Variants in ZFPM2 observed in about 807,000 individuals in gnomAD.
ZFPM2 encodes zinc finger protein ZFPM2.
ZFPM2 carries 20 observed loss-of-function variants against 98.6 expected under a neutral mutation model. That is an observed-to-expected ratio of 0.20 (90% CI 0.14 to 0.29). ZFPM2 has a LOEUF of 0.29. Among genes scored for constraint, ZFPM2 ranks in the 10% least tolerant of loss-of-function variants. ZFPM2 has a pLI of 1.00. For missense variants in ZFPM2, 1,310 were observed against 1,388.6 expected, an observed-to-expected ratio of 0.94 and a Z score of 0.90; for synonymous variants, 518 against 502.7, an observed-to-expected ratio of 1.03 and a Z score of -0.41.
At chr8:105,618,103 G>A (rs1317497375) in intron 4 of ZFPM2, among the ~76,000 whole-genome samples, 1 of 152,050 alleles carries the variant, frequency 6.6e-6, no homozygotes, top group Non-Finnish European at 1.5e-5. Context: ...CATGTAATTA[G>A]CCTATACAAA....
intron 1 of ZFPM2, among the ~76,000 whole-genome samples, chr8:105,357,863 C>G (rs973032812): frequency 6.6e-6 from 1 of 152,182 alleles, no homozygotes; most frequent in African/African-American, 2.4e-5. Flanking sequence ...CTGGGTTCAT[C>G]AGAGCCTTTA....
chr8:105,631,198 G>A (rs957629973), intron 4 of ZFPM2, among the ~76,000 whole-genome samples: 1 of 152,102 alleles, frequency 6.6e-6, no homozygotes, highest in Non-Finnish European at 1.5e-5. Context: ...CCTAAAAAAT[G>A]TTTATTGGCT....
At chr8:105,389,013 CGTGTGTGTGTGTGTGTGTGTGTGT>C (rs142145699) in intron 1 of ZFPM2, among the ~76,000 whole-genome samples, 7 of 134,826 alleles carry the variant, frequency 5.2e-5, no homozygotes, top group East Asian at 4.5e-4. Flanking sequence ...AATTTGATGA[CGTGTGTGTGTGTGTGTGTGTGTGT>C]GTGTGTGTGT....
intron 5 of ZFPM2, among the ~76,000 whole-genome samples, chr8:105,786,041 CAAAAAAAAAAAA>C (rs60740995): frequency 1.0e-4 from 4 of 39,850 alleles, no homozygotes; most frequent in East Asian, 1.0e-3. Context: ...GACTCCGTCT[CAAAAAAAAAAAA>C]AAAAAAAAAA....
chr8:105,609,155 G>A (rs867184561), intron 4 of ZFPM2, among the ~76,000 whole-genome samples: 18 of 152,204 alleles, frequency 1.2e-4, no homozygotes, highest in African/African-American at 4.3e-4. Context: ...TGAAGGAGGG[G>A]AGCGAGGTTA....
At chr8:105,777,215 A>G (rs1342791252) in intron 5 of ZFPM2, among the ~76,000 whole-genome samples, 5 of 152,208 alleles carry the variant, frequency 3.3e-5, no homozygotes, top group East Asian at 1.9e-4. Context: ...TAAATGTTCT[A>G]TTGACATCAG....
chr8:105,463,874 G>T (rs549651401), intron 3 of ZFPM2, among the ~76,000 whole-genome samples: 3 of 151,984 alleles, frequency 2.0e-5, no homozygotes, highest in Non-Finnish European at 4.4e-5. Flanking sequence ...AATGCTTGAA[G>T]AATCTAGCCC....
intron 3 of ZFPM2, among the ~76,000 whole-genome samples, chr8:105,527,173 C>T (rs1814192504): frequency 2.6e-5 from 4 of 152,112 alleles, no homozygotes; most frequent in Admixed American, 2.6e-4. Flanking sequence ...TATGGGTGTT[C>T]TTAGGGACGA....
intron 3 of ZFPM2, among the ~76,000 whole-genome samples, chr8:105,542,207 C>A (rs986202695): frequency 6.6e-6 from 1 of 152,068 alleles, no homozygotes; most frequent in South Asian, 2.1e-4. Flanking sequence ...ATACGCAATA[C>A]ATATTTAAAA....
chr8:105,672,601 A>G (rs1200547893), intron 5 of ZFPM2, among the ~76,000 whole-genome samples: 7 of 152,144 alleles, frequency 4.6e-5, no homozygotes, highest in Non-Finnish European at 1.0e-4. Flanking sequence ...TTAAATAATG[A>G]CTTTTTGATC....
intron 5 of ZFPM2, among the ~76,000 whole-genome samples, chr8:105,769,999 CCCTTCATAATTCCA>C (rs1220419690): frequency 2.0e-5 from 3 of 151,846 alleles, no homozygotes; most frequent in African/African-American, 7.2e-5. Context: ...TTCTCTTTTT[CCCTTCATAATTCCA>C]CCTTCATTTT....
At chr8:105,750,931 A>T (rs1260911064) in intron 5 of ZFPM2, among the ~76,000 whole-genome samples, 2 of 152,040 alleles carry the variant, frequency 1.3e-5, no homozygotes, top group Non-Finnish European at 2.9e-5. Flanking sequence ...TGTTAACACT[A>T]CCCTTTGTCT....
chr8:105,692,072 AC>A (rs1239196391), intron 5 of ZFPM2, among the ~76,000 whole-genome samples: 2 of 152,152 alleles, frequency 1.3e-5, no homozygotes, highest in African/African-American at 4.8e-5. Flanking sequence ...TCTATAGTGG[AC>A]TCCAAAGAAA....
At chr8:105,673,373 A>C (rs78095187) in intron 5 of ZFPM2, among the ~76,000 whole-genome samples, 6,493 of 152,016 alleles carry the variant, frequency 0.043, 179 homozygotes, top group Middle Eastern at 0.14. Flanking sequence ...TAATCTTCAA[A>C]ATGATAGTCA....
intron 5 of ZFPM2, among the ~76,000 whole-genome samples, chr8:105,665,648 C>T (rs187851574): frequency 2.6e-4 from 39 of 152,310 alleles, no homozygotes; most frequent in African/African-American, 9.1e-4. Context: ...TTTTGTTTCA[C>T]TTCTGACGTA....
chr8:105,704,903 AT>A (rs1169382603), intron 5 of ZFPM2, among the ~76,000 whole-genome samples: 6 of 152,128 alleles, frequency 3.9e-5, no homozygotes, highest in Admixed American at 3.9e-4. Context: ...TGCAAGTTAA[AT>A]TCTCCTCTAG....
chr8:105,378,481 G>T (rs1298928739), intron 1 of ZFPM2, among the ~76,000 whole-genome samples: 1 of 151,928 alleles, frequency 6.6e-6, no homozygotes, highest in African/African-American at 2.4e-5. Context: ...TTTCCTCCTA[G>T]GCTGCAAACT....
chr8:105,741,788 T>G (rs538738914), intron 5 of ZFPM2, among the ~76,000 whole-genome samples: 1 of 152,186 alleles, frequency 6.6e-6, no homozygotes, highest in East Asian at 2.0e-4. Flanking sequence ...TTGCTTTGTG[T>G]TTTCCTTCAG....
intron 1 of ZFPM2, among the ~76,000 whole-genome samples, chr8:105,407,685 C>T (rs73302108): frequency 0.011 from 1,731 of 151,978 alleles, 29 homozygotes; most frequent in African/African-American, 0.038. Context: ...GGTTGAGTAG[C>T]TGCTGATGAG....
Sources: gnomAD v4.1 joint callset for allele counts (sites outside exome capture counted in the v4.1 genomes callset) on GRCh38, gnomAD v4.1.1 for gene constraint, MANE v1.5 for transcripts, NCBI Gene and HGNC (gene_info 2026-07-23, HGNC 2026-07-21) for gene names.